DYM: variants seen among roughly 807,000 people sequenced by gnomAD.
DYM encodes the protein dymeclin.
In DYM, 78 loss-of-function variants were observed where a neutral mutation model predicts 93.1. The ratio of observed to expected loss-of-function variants is 0.84; its 90% CI spans 0.70 to 1.01. The LOEUF (loss-of-function observed/expected upper bound fraction) is 1.01, where lower values mean the gene tolerates loss of function less well. DYM is among the 50% of genes least tolerant of loss of function. The probability of loss-of-function intolerance (pLI) is 0.00; values close to 1 mark genes in which losing one functional copy is unlikely to be tolerated. For synonymous variants in DYM, 321 were observed against 319.7 expected, an observed-to-expected ratio of 1.00 and a Z score of -0.04; for missense variants, 789 against 845.0, an observed-to-expected ratio of 0.93 and a Z score of 0.82.
At chr18:49,360,702 A>G (rs987062608) in intron 6 of DYM, among the ~76,000 whole-genome samples, 2 of 152,284 alleles carry the variant, frequency 1.3e-5, no homozygotes, top group South Asian at 2.1e-4. Flanking sequence ...ACATACCATG[A>G]CAAAGAAACA....
At chr18:49,046,282 A>G (rs916358236) in intron 17 of DYM, among the ~76,000 whole-genome samples, 1 of 144,442 alleles carries the variant, frequency 6.9e-6, no homozygotes, top group Admixed American at 7.0e-5. Context: ...AGACACAGAC[A>G]ACACACCCAG....
At chr18:49,426,856 C>T (rs8086876) in intron 2 of DYM, among the ~76,000 whole-genome samples, 12,212 of 151,590 alleles carry the variant, frequency 0.081, 691 homozygotes, top group African/African-American at 0.15. Context: ...GAAGTATAGA[C>T]TTCTTTGTCA....
intron 17 of DYM, among the ~76,000 whole-genome samples, chr18:49,086,224 G>C (rs2078512048): frequency 6.6e-6 from 1 of 152,192 alleles, no homozygotes; most frequent in Admixed American, 6.5e-5. Flanking sequence ...AGAAGTCCCA[G>C]GTTGGGCTGC....
chr18:49,323,777 A>G (rs1297194981), intron 8 of DYM, among the ~76,000 whole-genome samples: 1 of 152,226 alleles, frequency 6.6e-6, no homozygotes. Context: ...AGCTAAGACA[A>G]TACTTTACCA....
chr18:49,385,698 A>T (rs2068542725), intron 3 of DYM, among the ~76,000 whole-genome samples: 1 of 151,904 alleles, frequency 6.6e-6, no homozygotes, highest in Non-Finnish European at 1.5e-5. Flanking sequence ...TCTGTCTCAA[A>T]AAAAAAAAGA....
At chr18:49,291,258 T>G (rs2060093600) in intron 8 of DYM, among the ~76,000 whole-genome samples, 1 of 152,248 alleles carries the variant, frequency 6.6e-6, no homozygotes, top group Non-Finnish European at 1.5e-5. Flanking sequence ...TCTGCCGAAC[T>G]AACACAGGCA....
At chr18:49,360,395 C>T (rs1031506461) in intron 6 of DYM, among the ~76,000 whole-genome samples, 12 of 151,774 alleles carry the variant, frequency 7.9e-5, no homozygotes, top group Admixed American at 2.6e-4. Context: ...GAGGCCGAGG[C>T]GGGCAGATCA....
intron 2 of DYM, among the ~76,000 whole-genome samples, chr18:49,424,388 G>A (rs2074048946): frequency 6.6e-6 from 1 of 151,904 alleles, no homozygotes; most frequent in Non-Finnish European, 1.5e-5. Context: ...GGTGTTGATG[G>A]GACATATCTC....
rs201514778 is a variant in DYM, at chr18:49,399,930, T to TTTTA, written c.141-8286_141-8285insTAAA. Among the ~76,000 whole-genome samples the TTTTA allele has an allele frequency of 3.7e-3, 482 of 131,350 alleles. 8 individuals are homozygous for TTTTA. Among genetic ancestry groups the TTTTA allele is most frequent in the African/African-American group, 7.7e-3 (277 of 35,754 alleles). The allele number at this position is 131,350 out of a possible 152,430, so 86.2% of individuals were successfully genotyped here. On this transcript the variant is annotated intron_variant, in intron 2 of 17. Coordinates refer to ENST00000675505, the MANE Select transcript of DYM (RefSeq NM_001353214.3). ...TTTTTTAAAAGACATTTATTTTTAT[T>TTTTA]TTTCTTTTTTTTTTTTTTTTTTTTT...
chr18:49,069,494 T>C (rs1215727311), intron 17 of DYM, among the ~76,000 whole-genome samples: 3 of 152,226 alleles, frequency 2.0e-5, no homozygotes, highest in African/African-American at 7.2e-5. Context: ...ACAACTCTTT[T>C]TGGTATATTT....
chr18:49,286,058 G>T (rs79086219), intron 9 of DYM, among the ~76,000 whole-genome samples: 13,618 of 149,572 alleles, frequency 0.091, 751 homozygotes, highest in East Asian at 0.27. Context: ...TTTTTTTTTT[G>T]TTTTTGAGAC....
chr18:49,179,173 A>G (rs1170467461), intron 14 of DYM, among the ~76,000 whole-genome samples: 3 of 152,108 alleles, frequency 2.0e-5, no homozygotes, highest in Non-Finnish European at 2.9e-5. Flanking sequence ...TGCTCTTTCC[A>G]TTCCATAATG....
chr18:49,204,823 C>G (rs541563449), intron 14 of DYM, among the ~76,000 whole-genome samples: 52 of 152,290 alleles, frequency 3.4e-4, no homozygotes, highest in African/African-American at 1.1e-3. Context: ...CTAGAGAAGT[C>G]AAATCCAAGG....
At chr18:49,144,897 G>A (rs1158720657) in intron 15 of DYM, among the ~76,000 whole-genome samples, 2 of 151,508 alleles carry the variant, frequency 1.3e-5, no homozygotes, top group African/African-American at 4.9e-5. Flanking sequence ...ACGAGTTTCA[G>A]ACCAGCCTGG....
intron 6 of DYM, among the ~76,000 whole-genome samples, chr18:49,339,552 C>T (rs2063933100): frequency 6.6e-6 from 1 of 152,142 alleles, no homozygotes; most frequent in African/African-American, 2.4e-5. Context: ...AATCAACAGC[C>T]AGTGAGGAAC....
chr18:49,213,637 A>G (rs1396465449), intron 13 of DYM, among the ~76,000 whole-genome samples: 1 of 152,112 alleles, frequency 6.6e-6, no homozygotes, highest in African/African-American at 2.4e-5. Flanking sequence ...TTAATTATCT[A>G]TATGCTTAAA....
At chr18:49,360,568 G>A (rs1011342889) in intron 6 of DYM, among the ~76,000 whole-genome samples, 2 of 151,964 alleles carry the variant, frequency 1.3e-5, no homozygotes, top group Non-Finnish European at 2.9e-5. Flanking sequence ...GTTGCAGTGA[G>A]CTGAGATCAC....
At chr18:49,244,767 T>C (rs557423754) in intron 13 of DYM, among the ~76,000 whole-genome samples, 6 of 152,352 alleles carry the variant, frequency 3.9e-5, no homozygotes, top group Middle Eastern at 3.4e-3. Context: ...TCCTTACCTA[T>C]AGAGCCAGTA....
chr18:49,179,576 A>G (rs966142745), intron 14 of DYM, among the ~76,000 whole-genome samples: 7 of 152,236 alleles, frequency 4.6e-5, no homozygotes, highest in South Asian at 2.1e-4. Context: ...TGATGATGAC[A>G]ACAACGATGA....
Sources: gnomAD v4.1 joint callset for allele counts (sites outside exome capture counted in the v4.1 genomes callset) on GRCh38, gnomAD v4.1.1 for gene constraint, MANE v1.5 for transcripts, NCBI Gene and HGNC (gene_info 2026-07-23, HGNC 2026-07-21) for gene names.